LRRC18: variants seen among roughly 807,000 people sequenced by gnomAD.
LRRC18 encodes leucine-rich repeat-containing protein 18.
A neutral mutation model predicts 11.2 loss-of-function variants in LRRC18; 12 were observed. The ratio of observed to expected loss-of-function variants is 1.07; its 90% CI spans 0.69 to 1.74. LRRC18 has a LOEUF of 1.74. Ranked by LOEUF, LRRC18 falls within the 40% of genes most tolerant of loss-of-function variation. The pLI is 0.00. For missense variants in LRRC18, 374 were observed against 330.5 expected, an observed-to-expected ratio of 1.13 and a Z score of -1.02; for synonymous variants, 155 against 130.6, an observed-to-expected ratio of 1.19 and a Z score of -1.27.
chr10:48,927,765 C>T, the LRRC18 span, among the ~76,000 whole-genome samples: 1 of 152,200 alleles, frequency 6.6e-6, no homozygotes, highest in African/African-American at 2.4e-5. Context: ...CCCAAGAGGT[C>T]ACACGGCCCA....
chr10:48,926,308 AC>A, the LRRC18 span, among the ~76,000 whole-genome samples: 46 of 152,232 alleles, frequency 3.0e-4, no homozygotes, highest in Non-Finnish European at 5.1e-4. Flanking sequence ...TGACATTGGA[AC>A]CAAGGATTGT....
chr10:48,930,359 G>A, the LRRC18 span, among the ~76,000 whole-genome samples: 1 of 152,218 alleles, frequency 6.6e-6, no homozygotes, highest in African/African-American at 2.4e-5. Flanking sequence ...GTCACTGAGT[G>A]TGTACCCTCT....
chr10:48,916,717 A>G (rs985613947), upstream of LRRC18, among the ~76,000 whole-genome samples: 10 of 152,220 alleles, frequency 6.6e-5, no homozygotes, highest in African/African-American at 1.9e-4. Context: ...AAAGTTGTAT[A>G]GCAACTCTGA....
chr10:48,938,948 G>C, the LRRC18 span, among the ~76,000 whole-genome samples: 2 of 152,160 alleles, frequency 1.3e-5, no homozygotes, highest in African/African-American at 4.8e-5. Context: ...GGCCAGGCCG[G>C]GTAACCGCCA....
chr10:48,925,313 C>T, the LRRC18 span, among the ~76,000 whole-genome samples: 13 of 152,106 alleles, frequency 8.5e-5, no homozygotes, highest in Admixed American at 5.9e-4. Context: ...TGTATCTTCA[C>T]AGATGAAGTC....
the LRRC18 span, among the ~76,000 whole-genome samples, chr10:48,931,902 G>A: frequency 9.2e-5 from 14 of 152,270 alleles, no homozygotes; most frequent in East Asian, 1.5e-3. Flanking sequence ...TCAGGACAGG[G>A]CAGCACCCTG....
upstream of LRRC18, chr10:48,914,355 G>A: frequency 5.0e-6 from 3 of 598,450 alleles, no homozygotes; most frequent in Non-Finnish European, 8.6e-6. Context: ...AGAGAAGTCA[G>A]GGCAAAGTGG....
chr10:48,939,016 C>T, the LRRC18 span, among the ~76,000 whole-genome samples: 1 of 152,176 alleles, frequency 6.6e-6, no homozygotes, highest in African/African-American at 2.4e-5. Flanking sequence ...CCCCAAGTTG[C>T]CCACAGGCCC....
At chr10:48,917,765 C>T (rs770782290), upstream of LRRC18, among the ~76,000 whole-genome samples, 1 of 152,170 alleles carries the variant, frequency 6.6e-6, no homozygotes, top group Non-Finnish European at 1.5e-5. Context: ...GGAAACTATA[C>T]TAGAGAGGAA....
the LRRC18 span, among the ~76,000 whole-genome samples, chr10:48,920,285 A>C: frequency 6.8e-6 from 1 of 146,582 alleles, no homozygotes; most frequent in South Asian, 2.2e-4. Context: ...CAAATACCAC[A>C]TGTTCTCACT....
chr10:48,910,366 G>A, intron 1 of LRRC18, 108 bp from the exon 4 acceptor site: 2 of 950,742 alleles, frequency 2.1e-6, no homozygotes, highest in Admixed American at 3.4e-5. Context: ...TGACCTTCAG[G>A]ATGGTCAGGT....
rs761081688 is a variant in LRRC18 at position 48,914,094 on chromosome 10, C to T, written c.62G>A (p.Cys21Tyr). The change falls in exon 1 of 2, where the codon TGC (cysteine) becomes TAC (tyrosine). Residue 21 changes from cysteine to tyrosine, a missense_variant. Cys to Tyr is a radical substitution (Grantham distance 194). Transcript: ENST00000374160. Reference sequence around the variant, plus strand: ...TTTCCCATCAAAAGTGATTTTGATGCAATTCCTGGCCACCTTGAGGGTGAT... The same window carrying T: ...TTTCCCATCAAAAGTGATTTTGATGTAATTCCTGGCCACCTTGAGGGTGAT... 6 of 1,614,212 alleles carry T rather than the reference C, an allele frequency of 3.7e-6. No homozygotes were observed. In the Admixed American group the frequency reaches 8.3e-5, roughly 22 times the overall value.
At chr10:48,924,113 G>A in the LRRC18 span, among the ~76,000 whole-genome samples, 4 of 152,242 alleles carry the variant, frequency 2.6e-5, no homozygotes, top group Non-Finnish European at 4.4e-5. Flanking sequence ...AGTGAGGGCT[G>A]GCTAGGATAA....
At chr10:48,915,126 A>G (rs912323262), upstream of LRRC18, among the ~76,000 whole-genome samples, 1 of 152,176 alleles carries the variant, frequency 6.6e-6, no homozygotes, top group Non-Finnish European at 1.5e-5. Context: ...CTTATTTGTG[A>G]AAACAGACAC....
At chr10:48,915,714 T>C (rs150200712), upstream of LRRC18, among the ~76,000 whole-genome samples, 334 of 152,222 alleles carry the variant, frequency 2.2e-3, 5 homozygotes, top group East Asian at 0.016. Flanking sequence ...AGCTGAAGGG[T>C]CAGAGGGTCC....
chr10:48,912,936 C>T (rs114375666), intron 1 of LRRC18, among the ~76,000 whole-genome samples: 2,489 of 152,360 alleles, frequency 0.016, 70 homozygotes, highest in African/African-American at 0.055. Context: ...TGCTCATCTA[C>T]TTTCTTACAA....
chr10:48,931,918 T>A, the LRRC18 span, among the ~76,000 whole-genome samples: 1 of 152,194 alleles, frequency 6.6e-6, no homozygotes, highest in Admixed American at 6.5e-5. Flanking sequence ...CCCTGGCAGC[T>A]TCTAGATAGG....
chr10:48,936,519 T>C, the LRRC18 span, among the ~76,000 whole-genome samples: 6 of 152,132 alleles, frequency 3.9e-5, no homozygotes, highest in Non-Finnish European at 8.8e-5. Context: ...TTTTAAAATA[T>C]AGGTATGTAA....
chr10:48,931,093 TCAAACACACA>T, the LRRC18 span, among the ~76,000 whole-genome samples: 1 of 44,314 alleles, frequency 2.3e-5, no homozygotes, highest in African/African-American at 6.0e-5. Context: ...ACACTCACAC[TCAAACACACA>T]CACACACACA....
Sources: gnomAD v4.1 joint callset for allele counts (sites outside exome capture counted in the v4.1 genomes callset) on GRCh38, gnomAD v4.1.1 for gene constraint, MANE v1.5 for transcripts, NCBI Gene and HGNC (gene_info 2026-07-23, HGNC 2026-07-21) for gene names.